The following PRKG1 variants were observed in gnomAD, a reference collection of about 807,000 sequenced individuals.
The protein encoded by PRKG1 is protein kinase cGMP-dependent 1, also known as cGMP-dependent protein kinase 1.
A neutral mutation model predicts 88.1 loss-of-function variants in PRKG1; 35 were observed. The ratio of observed to expected loss-of-function variants is 0.40; its 90% CI spans 0.30 to 0.53. The LOEUF (loss-of-function observed/expected upper bound fraction) is 0.53, where lower values mean the gene tolerates loss of function less well. PRKG1 is among the 20% of genes least tolerant of loss of function. The pLI, the probability that PRKG1 is intolerant of heterozygous loss-of-function variation, is 0.59. For missense variants in PRKG1, 540 were observed against 839.8 expected (o/e 0.64, Z 4.41); for synonymous variants, 303 against 292.5 (o/e 1.04, Z -0.37).
chr10:51,375,330 C>G (rs1842795414), intron 2 of PRKG1, among the ~76,000 whole-genome samples: 1 of 151,992 alleles, frequency 6.6e-6, no homozygotes, highest in African/African-American at 2.4e-5. Flanking sequence ...AGAATAGTGG[C>G]TGGCATAGAG....
intron 1 of PRKG1, among the ~76,000 whole-genome samples, chr10:51,046,134 C>G (rs908266562): frequency 7.2e-5 from 11 of 152,328 alleles, no homozygotes; most frequent in East Asian, 1.9e-4. Flanking sequence ...AAAACTTCTT[C>G]CAGTATGTAA....
chr10:51,940,236 G>C (rs1236082679), intron 5 of PRKG1, among the ~76,000 whole-genome samples: 1 of 151,632 alleles, frequency 6.6e-6, no homozygotes, highest in African/African-American at 2.4e-5. Flanking sequence ...TTGGGACTCT[G>C]TCTTATTTAT....
intron 7 of PRKG1, chr10:52,128,231 C>A: frequency 5.1e-6 from 5 of 985,416 alleles, no homozygotes; most frequent in Non-Finnish European, 6.0e-6. Flanking sequence ...TGAAGGCTGG[C>A]ACTGAGAGAG....
rs148270266 is a variant in PRKG1 at position 51,473,568 on chromosome 10, G to A, written c.592+5732G>A. On this transcript the variant is annotated intron_variant, in intron 3 of 17. Coordinates refer to ENST00000373980, the MANE Select transcript of PRKG1 (RefSeq NM_006258.4). ...AGCTACCTTCCATAGTCAAAGAAAG[G>A]CAATAAACTTAATTCCTTCTGAAGG... Among the ~76,000 whole-genome samples, 118 of 151,916 alleles carry A rather than the reference G, an allele frequency of 7.8e-4. 1 individual carries two copies. The highest frequency in any genetic ancestry group is 1.3e-3 in the Non-Finnish European group (89 of 67,860).
intron 14 of PRKG1, among the ~76,000 whole-genome samples, chr10:52,284,561 C>T (rs1274891129): frequency 1.3e-5 from 2 of 151,942 alleles, no homozygotes; most frequent in Admixed American, 1.3e-4. Flanking sequence ...TAAAGTTCCA[C>T]AAAACACACC....
At position 51,945,358 on chromosome 10, in the gene PRKG1, T is replaced by G. The variant is rs1341522989; in HGVS notation, c.762+37788T>G. Among the ~76,000 whole-genome samples the G allele has an allele frequency of 2.6e-5, 4 of 151,702 alleles. No homozygotes were observed. In the East Asian group the frequency reaches 5.8e-4, roughly 22 times the overall value. ...TTGAGCCTATGTGTGTCTCTGCACG[T>G]GAGATGAGTTTCCTGAATACAGCAC... On this transcript the variant is annotated intron_variant, in intron 5 of 17. Transcript: ENST00000373980.
At chr10:51,729,706 CAAAA>C (rs34900286) in intron 3 of PRKG1, among the ~76,000 whole-genome samples, 13 of 28,774 alleles carry the variant, frequency 4.5e-4, no homozygotes, top group African/African-American at 1.5e-3. Context: ...GACTCCATCT[CAAAA>C]AAAAAAAAAA....
chr10:51,638,310 G>A (rs1039581121), intron 3 of PRKG1, among the ~76,000 whole-genome samples: 6 of 152,248 alleles, frequency 3.9e-5, no homozygotes, highest in African/African-American at 9.6e-5. Context: ...AGTCACAGCC[G>A]TAAAGACACA....
chr10:51,506,861 T>C (rs570755564), intron 3 of PRKG1, among the ~76,000 whole-genome samples: 17 of 152,230 alleles, frequency 1.1e-4, no homozygotes, highest in African/African-American at 3.6e-4. Flanking sequence ...CATATGTTTA[T>C]TGCAGCACTA....
At chr10:51,092,042 C>G (rs1844410315) in intron 1 of PRKG1, among the ~76,000 whole-genome samples, 1 of 152,224 alleles carries the variant, frequency 6.6e-6, no homozygotes, top group South Asian at 2.1e-4. Context: ...AACCTTCCAA[C>G]TTGGCTTTTT....
chr10:51,109,316 C>G (rs1357338665), intron 1 of PRKG1, among the ~76,000 whole-genome samples: 1 of 152,116 alleles, frequency 6.6e-6, no homozygotes, highest in African/African-American at 2.4e-5. Flanking sequence ...ACTAACACCA[C>G]TTAAGGTTTA....
intron 1 of PRKG1, among the ~76,000 whole-genome samples, chr10:51,088,988 T>C (rs1844329726): frequency 6.6e-6 from 1 of 152,140 alleles, no homozygotes; most frequent in African/African-American, 2.4e-5. Flanking sequence ...CCTTTGTGGA[T>C]TGCCTGTGCT....
intron 7 of PRKG1, among the ~76,000 whole-genome samples, chr10:52,090,709 G>A (rs1018478971): frequency 1.3e-5 from 2 of 152,258 alleles, no homozygotes; most frequent in Non-Finnish European, 2.9e-5. Flanking sequence ...ACAAGTAAAT[G>A]TTATTTGAAT....
intron 4 of PRKG1, among the ~76,000 whole-genome samples, chr10:51,903,263 A>G (rs1842018954): frequency 1.3e-5 from 2 of 152,092 alleles, no homozygotes; most frequent in African/African-American, 4.8e-5. Flanking sequence ...TGGTTTGAAA[A>G]CAAAACAAAA....
intron 2 of PRKG1, among the ~76,000 whole-genome samples, chr10:51,359,517 T>G (rs986701478): frequency 6.6e-6 from 1 of 151,920 alleles, no homozygotes; most frequent in African/African-American, 2.4e-5. Context: ...TATATGTAAA[T>G]GAACTATGAC....
At chr10:50,996,267 C>T (rs1221669467) in intron 1 of PRKG1, among the ~76,000 whole-genome samples, 3 of 152,194 alleles carry the variant, frequency 2.0e-5, no homozygotes, top group African/African-American at 7.2e-5. Flanking sequence ...AAATTTAAGT[C>T]ACCTGTCTAA....
At chr10:51,795,617 G>GTA (rs1292789225) in intron 3 of PRKG1, among the ~76,000 whole-genome samples, 5 of 152,012 alleles carry the variant, frequency 3.3e-5, no homozygotes, top group African/African-American at 1.2e-4. Flanking sequence ...GCCCCTCAAG[G>GTA]TCTCTCCCAA....
At chr10:51,100,514 A>G (rs1844652615) in intron 1 of PRKG1, among the ~76,000 whole-genome samples, 1 of 152,206 alleles carries the variant, frequency 6.6e-6, no homozygotes, top group Admixed American at 6.5e-5. Context: ...ATGAAGTACA[A>G]ATATCTCCTT....
At chr10:51,535,782 T>C (rs921140055) in intron 3 of PRKG1, among the ~76,000 whole-genome samples, 6 of 150,620 alleles carry the variant, frequency 4.0e-5, no homozygotes, top group African/African-American at 1.5e-4. Flanking sequence ...TGGAGTGAAA[T>C]GGCACGATAT....
Sources: allele counts gnomAD v4.1 joint callset (sites outside exome capture counted in the v4.1 genomes callset), GRCh38; gene constraint gnomAD v4.1.1; transcripts MANE v1.5; gene names NCBI Gene and HGNC (gene_info 2026-07-23, HGNC 2026-07-21).